The following MBOAT1 variants were observed in gnomAD, a reference collection of about 807,000 sequenced individuals.
MBOAT1 encodes membrane bound glycerophospholipid O-acyltransferase 1.
A neutral mutation model predicts 64.4 loss-of-function variants in MBOAT1; 67 were observed. The observed-to-expected ratio is 1.04, with a 90% confidence interval of 0.85 to 1.27. The LOEUF (loss-of-function observed/expected upper bound fraction) is 1.27. Ranked by LOEUF, MBOAT1 falls within the 50% of genes most tolerant of loss-of-function variation. The pLI is 0.00. For missense variants in MBOAT1, 563 were observed against 604.6 expected, an observed-to-expected ratio of 0.93 and a Z score of 0.72; for synonymous variants, 229 against 218.9, an observed-to-expected ratio of 1.05 and a Z score of -0.41.
chr6:20,150,501 T>G (rs767032141), intron 3 of MBOAT1, among the ~76,000 whole-genome samples: 5 of 151,964 alleles, frequency 3.3e-5, no homozygotes, highest in Non-Finnish European at 7.4e-5. Flanking sequence ...AGCATATTTG[T>G]TTTGAGATTT....
intron 1 of MBOAT1, among the ~76,000 whole-genome samples, chr6:20,156,732 C>G (rs1054686338): frequency 6.6e-6 from 1 of 152,178 alleles, no homozygotes; most frequent in African/African-American, 2.4e-5. Context: ...ATTTGGCTCT[C>G]TGCTTGTCTG....
At chr6:20,110,652 G>A (rs1033178569) in intron 11 of MBOAT1, among the ~76,000 whole-genome samples, 1 of 151,950 alleles carries the variant, frequency 6.6e-6, no homozygotes, top group Non-Finnish European at 1.5e-5. Flanking sequence ...TTAAAAACTT[G>A]GCACAGAGCC....
intron 4 of MBOAT1, among the ~76,000 whole-genome samples, chr6:20,132,915 A>C (rs1042653168): frequency 6.6e-6 from 1 of 152,234 alleles, no homozygotes; most frequent in Non-Finnish European, 1.5e-5. Flanking sequence ...AACGACACTC[A>C]TCCACTTCTC....
At chr6:20,116,940 G>C (rs1022946773) in intron 9 of MBOAT1, among the ~76,000 whole-genome samples, 1 of 152,126 alleles carries the variant, frequency 6.6e-6, no homozygotes, top group Non-Finnish European at 1.5e-5. Context: ...AAGGAGAGAA[G>C]AATCTTAGTG....
At chr6:20,187,288 A>C (rs1762680355) in intron 1 of MBOAT1, among the ~76,000 whole-genome samples, 1 of 152,244 alleles carries the variant, frequency 6.6e-6, no homozygotes, top group Non-Finnish European at 1.5e-5. Context: ...CAAGGAATCT[A>C]ATCTCGAGTC....
intron 1 of MBOAT1, among the ~76,000 whole-genome samples, chr6:20,173,449 G>A (rs1157104632): frequency 6.6e-6 from 1 of 152,070 alleles, no homozygotes; most frequent in African/African-American, 2.4e-5. Flanking sequence ...GTTTTTAATA[G>A]ATACCACATT....
chr6:20,106,619 T>G (rs1350786596), intron 12 of MBOAT1, among the ~76,000 whole-genome samples: 1 of 152,190 alleles, frequency 6.6e-6, no homozygotes, highest in Non-Finnish European at 1.5e-5. Context: ...AGACAGGGTT[T>G]CACCATGCTG....
At chr6:20,116,196 G>T (rs916374050) in intron 9 of MBOAT1, among the ~76,000 whole-genome samples, 1 of 152,034 alleles carries the variant, frequency 6.6e-6, no homozygotes, top group African/African-American at 2.4e-5. Context: ...GCCGGGCCTG[G>T]TAGCAGGCAC....
intron 7 of MBOAT1, chr6:20,125,959 T>A (rs1760637592): frequency 2.6e-6 from 1 of 387,320 alleles, no homozygotes; most frequent in Non-Finnish European, 5.0e-6. Flanking sequence ...TAAAGTTCAA[T>A]GAGTTATTCT....
chr6:20,198,952 A>G (rs1407413128), intron 1 of MBOAT1, among the ~76,000 whole-genome samples: 1 of 152,244 alleles, frequency 6.6e-6, no homozygotes, highest in Non-Finnish European at 1.5e-5. Context: ...AACTTTAACA[A>G]GTGGAGGTGT....
chr6:20,119,814 G>A (rs968094401), intron 8 of MBOAT1, among the ~76,000 whole-genome samples: 10 of 152,168 alleles, frequency 6.6e-5, no homozygotes, highest in African/African-American at 2.2e-4. Flanking sequence ...GTGAGTGACA[G>A]AGATCAATGA....
rs544873068 is a variant in MBOAT1 at position 20,158,662 on chromosome 6, T to G, written c.100-5893A>C. ...ACAACCCACAGATTGGGAGGAATAT[T>G]TGCAAATCATAAGGGGCTCATATTC... On this transcript the variant is annotated intron_variant, in intron 1 of 12. Coordinates refer to ENST00000324607, the MANE Select transcript of MBOAT1 (RefSeq NM_001080480.3). 1.2e-4 allele frequency among the ~76,000 whole-genome samples: 19 copies of G among 152,254 alleles called. No homozygotes were observed. The South Asian group carries it at 3.7e-3, about 30-fold the overall frequency.
chr6:20,162,988 C>T (rs1411279036), intron 1 of MBOAT1, among the ~76,000 whole-genome samples: 1 of 152,166 alleles, frequency 6.6e-6, no homozygotes, highest in Non-Finnish European at 1.5e-5. Flanking sequence ...TTAAATTGTA[C>T]AGGGAGACTT....
chr6:20,192,404 T>G (rs1762826353), intron 1 of MBOAT1, among the ~76,000 whole-genome samples: 1 of 152,164 alleles, frequency 6.6e-6, no homozygotes, highest in Non-Finnish European at 1.5e-5. Flanking sequence ...AACCAAATTT[T>G]CCTTCCAAAC....
chr6:20,122,363 C>T (rs1467888496), intron 8 of MBOAT1, among the ~76,000 whole-genome samples: 1 of 152,168 alleles, frequency 6.6e-6, no homozygotes, highest in Non-Finnish European at 1.5e-5. Context: ...ATTCCTCCCA[C>T]TGGGACACTG....
chr6:20,186,328 C>A (rs772864773), intron 1 of MBOAT1, among the ~76,000 whole-genome samples: 2 of 152,228 alleles, frequency 1.3e-5, no homozygotes, highest in Non-Finnish European at 2.9e-5. Context: ...TGCTTATGTG[C>A]GCCATCTCCA....
At chr6:20,131,269 C>T in intron 4 of MBOAT1, 70 bp from the exon 5 acceptor site, 1 of 1,324,786 alleles carries the variant, frequency 7.5e-7, no homozygotes, top group South Asian at 1.2e-5. Context: ...GTGCCCCCAC[C>T]CAAATCTCAT....
chr6:20,133,930 C>T (rs1760906187), intron 4 of MBOAT1, among the ~76,000 whole-genome samples: 1 of 152,184 alleles, frequency 6.6e-6, no homozygotes, highest in East Asian at 1.9e-4. Context: ...CCTCAGGCTG[C>T]TCCCAGCTAT....
intron 4 of MBOAT1, among the ~76,000 whole-genome samples, chr6:20,131,782 A>T (rs972270271): frequency 3.3e-5 from 5 of 152,212 alleles, no homozygotes; most frequent in Admixed American, 6.5e-5. Flanking sequence ...CTGAATAAGA[A>T]GATCACATTA....
Sources: gnomAD v4.1 joint callset for allele counts (sites outside exome capture counted in the v4.1 genomes callset) on GRCh38, gnomAD v4.1.1 for gene constraint, MANE v1.5 for transcripts, NCBI Gene and HGNC (gene_info 2026-07-23, HGNC 2026-07-21) for gene names.